SPAG1: variants seen among roughly 807,000 people sequenced by gnomAD.
SPAG1 encodes the protein sperm associated antigen 1, also known as sperm-associated antigen 1.
A neutral mutation model predicts 100.5 loss-of-function variants in SPAG1; 69 were observed. That is an observed-to-expected ratio of 0.69 (90% confidence interval 0.57 to 0.84). The LOEUF is 0.84. Ranked by LOEUF, SPAG1 falls within the 40% of genes least tolerant of loss-of-function variation. The pLI, the probability that SPAG1 is intolerant of heterozygous loss-of-function variation, is 0.00. For missense variants in SPAG1, 955 were observed against 1,133.1 expected (o/e 0.84, Z 2.26); for synonymous variants, 336 against 411.6 (o/e 0.82, Z 2.22).
intron 3 of SPAG1, among the ~76,000 whole-genome samples, chr8:100,171,531 G>A (rs1229187197): frequency 6.6e-6 from 1 of 152,168 alleles, no homozygotes; most frequent in Non-Finnish European, 1.5e-5. Flanking sequence ...ATACAAGGCT[G>A]TTTAGGTTAT....
At chr8:100,169,493 C>T (rs1418680538) in intron 3 of SPAG1, among the ~76,000 whole-genome samples, 1 of 152,214 alleles carries the variant, frequency 6.6e-6, no homozygotes, top group Non-Finnish European at 1.5e-5. Flanking sequence ...TAATCCAGCA[C>T]TTTGGGAGGC....
rs769894962 is a variant in SPAG1 at position 100,194,202 on chromosome 8, A to G, written c.1030A>G (p.Ile344Val). 1.2e-6 allele frequency: 2 copies of G among 1,612,142 alleles called. No homozygotes were observed. The highest frequency in any genetic ancestry group is 1.7e-6 in the Non-Finnish European group (2 of 1,178,890). The change falls in exon 10 of 19, where the codon ATA (isoleucine) becomes GTA (valine). Residue 344 changes from isoleucine (I) to valine (V), a missense_variant. Ile to Val is a conservative substitution (Grantham distance 29). Transcript: ENST00000388798. ...AGGGAAAAGGATGGTTATTCAGGAA[A>G]TAGAAAACTCCGAAGATGAAGAAGG... ...TKGKRMVIQE[I>V]ENSEDEEGKS...
intron 10 of SPAG1, among the ~76,000 whole-genome samples, chr8:100,195,046 C>T (rs1299478493): frequency 1.3e-5 from 2 of 151,814 alleles, no homozygotes; most frequent in Non-Finnish European, 2.9e-5. Context: ...GCACCTGTAA[C>T]CCCAGTTACT....
At chr8:100,171,841 G>A (rs943525640) in intron 3 of SPAG1, among the ~76,000 whole-genome samples, 23 of 152,284 alleles carry the variant, frequency 1.5e-4, no homozygotes, top group Admixed American at 7.2e-4. Context: ...ATTTAGGTAA[G>A]AGAGTAAATC....
intron 13 of SPAG1, among the ~76,000 whole-genome samples, chr8:100,221,542 C>A (rs147784634): frequency 4.5e-4 from 68 of 152,176 alleles, no homozygotes; most frequent in African/African-American, 1.6e-3. Flanking sequence ...TACACTGTAC[C>A]CCATGCTAGT....
intron 10 of SPAG1, among the ~76,000 whole-genome samples, chr8:100,200,611 G>T (rs1026416844): frequency 3.3e-5 from 5 of 152,320 alleles, no homozygotes; most frequent in Admixed American, 2.6e-4. Context: ...AGCACCTGTT[G>T]TTTCCTGACT....
At chr8:100,164,991 C>T (rs894922027) in intron 2 of SPAG1, among the ~76,000 whole-genome samples, 1 of 152,206 alleles carries the variant, frequency 6.6e-6, no homozygotes, top group Non-Finnish European at 1.5e-5. Flanking sequence ...CCCAAATGAA[C>T]TACCTGTTTG....
At chr8:100,167,920 C>T (rs898126829) in intron 3 of SPAG1, among the ~76,000 whole-genome samples, 2 of 152,178 alleles carry the variant, frequency 1.3e-5, no homozygotes, top group Admixed American at 6.5e-5. Flanking sequence ...AGTATGTTGT[C>T]ATTCCTGTGT....
chr8:100,185,005 C>T (rs1240346676), intron 7 of SPAG1: 2 of 330,114 alleles, frequency 6.1e-6, no homozygotes, highest in African/African-American at 2.3e-5. Flanking sequence ...CAACAGAAGG[C>T]CCATATGATA....
At chr8:100,174,588 TTTGC>T (rs1816024974) in intron 3 of SPAG1, among the ~76,000 whole-genome samples, 1 of 152,176 alleles carries the variant, frequency 6.6e-6, no homozygotes, top group African/African-American at 2.4e-5. Flanking sequence ...TCTTCCACCG[TTTGC>T]TTTAGTTTTA....
In SPAG1 at chr8:100,194,231, A is replaced by C; in HGVS notation, c.1059A>C (p.Lys353Asn). 1 of 1,609,634 alleles carries C rather than the reference A, an allele frequency of 6.2e-7. No homozygotes were observed. Among genetic ancestry groups the C allele is most frequent in the Non-Finnish European group, 8.5e-7 (1 of 1,176,396 alleles). The change falls in exon 10 of 19, where the codon AAA (lysine) becomes AAC (asparagine). Residue 353 changes from lysine to asparagine, a missense_variant. Physicochemically the swap from Lys to Asn is moderately conservative, Grantham distance 94. Coordinates refer to ENST00000388798, the MANE Select transcript of SPAG1 (RefSeq NM_003114.5). Reference protein sequence around the residue: ...EIENSEDEEGKSGRKHEDGGG... With the variant: ...EIENSEDEEGNSGRKHEDGGG... ...AAAACTCCGAAGATGAAGAAGGAAA[A>C]AGCGGAAGAAAACATGAAGATGGCG...
chr8:100,196,898 G>T (rs1194306449), intron 10 of SPAG1, among the ~76,000 whole-genome samples: 3 of 151,650 alleles, frequency 2.0e-5, no homozygotes, highest in Non-Finnish European at 4.4e-5. Context: ...CCTTCTGCTT[G>T]TTTTTATGTT....
chr8:100,168,971 G>A (rs972883847), intron 3 of SPAG1, among the ~76,000 whole-genome samples: 8 of 152,064 alleles, frequency 5.3e-5, no homozygotes, highest in Non-Finnish European at 1.0e-4. Flanking sequence ...ACAGGTGTGA[G>A]CCACCACGCC....
chr8:100,235,618 T>C (rs1818969520), intron 16 of SPAG1, among the ~76,000 whole-genome samples: 1 of 152,122 alleles, frequency 6.6e-6, no homozygotes, highest in Non-Finnish European at 1.5e-5. Flanking sequence ...AAGGGAACTA[T>C]CTAGGTTCTG....
At chr8:100,201,047 T>C (rs1039878806) in intron 10 of SPAG1, among the ~76,000 whole-genome samples, 1 of 152,136 alleles carries the variant, frequency 6.6e-6, no homozygotes, top group Non-Finnish European at 1.5e-5. Flanking sequence ...ATATCATATA[T>C]AAGAATCCAT....
At position 100,239,427 on chromosome 8, in the gene SPAG1, G is replaced by GA. The variant is rs1403441383; in HGVS notation, c.2280+26dup. On this transcript the variant is annotated intron_variant, in intron 17 of 18. Transcript: ENST00000388798. This position sits in a 1 kb window ranked among gnomAD's most constrained non-coding sequence, Gnocchi z 5.0. Reference sequence around the variant, plus strand: ...GAGGTATTTGTATTTGATTATCTTTGAAAGTACTCCTTTGGGGACCTTAGA... The same window carrying GA: ...GAGGTATTTGTATTTGATTATCTTTGAAAAGTACTCCTTTGGGGACCTTAGA... 6.8e-7 allele frequency: 1 copy of GA among 1,464,540 alleles called. No homozygotes were observed. The highest frequency in any genetic ancestry group is 9.6e-7 in the Non-Finnish European group (1 of 1,045,724). 90.7% of individuals were successfully genotyped at this position (1,464,540 alleles called of 1,614,324 possible).
At chr8:100,228,007 G>A (rs995739774) in intron 14 of SPAG1, among the ~76,000 whole-genome samples, 3 of 151,790 alleles carry the variant, frequency 2.0e-5, no homozygotes, top group Non-Finnish European at 2.9e-5. Flanking sequence ...ACCGTGTCTG[G>A]CTAATTTTGT....
At chr8:100,200,600 C>T (rs1817234712) in intron 10 of SPAG1, among the ~76,000 whole-genome samples, 1 of 152,214 alleles carries the variant, frequency 6.6e-6, no homozygotes, top group Admixed American at 6.5e-5. Context: ...ACATCCTCTC[C>T]AGCACCTGTT....
At chr8:100,163,780 A>G (rs964498986) in intron 2 of SPAG1, among the ~76,000 whole-genome samples, 1 of 152,138 alleles carries the variant, frequency 6.6e-6, no homozygotes, top group Non-Finnish European at 1.5e-5. Flanking sequence ...AATCAATAAT[A>G]TCAATTGTTT....
Sources: gnomAD v4.1 joint callset for allele counts (sites outside exome capture counted in the v4.1 genomes callset) on GRCh38, gnomAD v4.1.1 for gene constraint, Gnocchi (gnomAD v3.1) non-coding constraint, MANE v1.5 for transcripts, NCBI Gene and HGNC (gene_info 2026-07-23, HGNC 2026-07-21) for gene names.